Variants in RNF14 observed in about 807,000 individuals in gnomAD.
RNF14 encodes the protein E3 ubiquitin-protein ligase RNF14.
A neutral mutation model predicts 52.6 loss-of-function variants in RNF14; 26 were observed. That is an observed-to-expected ratio of 0.49 (90% CI 0.36 to 0.69). RNF14 has a LOEUF of 0.69. Ranked by LOEUF, RNF14 falls within the 30% of genes least tolerant of loss-of-function variation. The pLI, the probability that RNF14 is intolerant of heterozygous loss-of-function variation, is 0.00. For missense variants in RNF14, 404 were observed against 560.4 expected, an observed-to-expected ratio of 0.72 and a Z score of 2.82; for synonymous variants, 194 against 202.0, an observed-to-expected ratio of 0.96 and a Z score of 0.34.
intron 4 of RNF14, among the ~76,000 whole-genome samples, chr5:141,977,214 T>A (rs1302505692): frequency 6.6e-6 from 1 of 152,262 alleles, no homozygotes; most frequent in Non-Finnish European, 1.5e-5. Flanking sequence ...ATTTTACAGA[T>A]GTTAGCAGAT....
chr5:141,957,320 C>T (rs367696680), upstream of RNF14: 3 of 1,613,070 alleles, frequency 1.9e-6, no homozygotes, highest in Non-Finnish European at 2.5e-6. This position sits in a 1 kb window ranked among gnomAD's most constrained non-coding sequence, Gnocchi z 4.3. Flanking sequence ...GCAAAGTGCT[C>T]ACTGGGAGAC....
In RNF14 at chr5:141,984,806, T is replaced by C. The variant is rs1290239972; in HGVS notation, c.1240T>C (p.Leu414=). The change falls in exon 8 of 9, where the codon TTA becomes CTA. Residue 414 remains leucine, a synonymous_variant. Coordinates refer to ENST00000394520, the MANE Select transcript of RNF14 (RefSeq NM_004290.5). ...CPCCGTPIEK[L]DGCNKMTCTG... ...CTCTTTCTATCCTTCCCACCAGAAA[T>C]TAGACGGATGTAACAAGATGACATG... is the stretch of plus-strand genomic sequence containing the variant. 6.2e-7 allele frequency: 1 copy of C among 1,613,844 alleles called. No homozygotes were observed. The highest frequency in any genetic ancestry group is 1.1e-5 in the South Asian group (1 of 91,048).
chr5:141,979,227 G>C (rs77078491), intron 5 of RNF14, among the ~76,000 whole-genome samples: 1 of 141,492 alleles, frequency 7.1e-6, no homozygotes, highest in Non-Finnish European at 1.6e-5. Flanking sequence ...TACTTAGGTG[G>C]TGGTGGTGTT....
At chr5:141,986,129 C>T (rs920689635) in intron 8 of RNF14, among the ~76,000 whole-genome samples, 1 of 152,172 alleles carries the variant, frequency 6.6e-6, no homozygotes, top group Non-Finnish European at 1.5e-5. Flanking sequence ...ATTGTAAAGG[C>T]AAGTTTTCCA....
intron 8 of RNF14, among the ~76,000 whole-genome samples, chr5:141,987,183 G>C (rs1025516710): frequency 6.6e-6 from 1 of 152,184 alleles, no homozygotes; most frequent in Non-Finnish European, 1.5e-5. Flanking sequence ...CAGTGAGGGA[G>C]GGGGGTATGA....
upstream of RNF14, chr5:141,966,847 T>G (rs768802817): frequency 6.6e-6 from 1 of 152,352 alleles, no homozygotes; most frequent in Non-Finnish European, 1.5e-5. Flanking sequence ...GTGCATGGGC[T>G]TCCTCACTTT....
upstream of RNF14, among the ~76,000 whole-genome samples, chr5:141,965,022 C>T (rs1400062379): frequency 6.6e-6 from 1 of 152,038 alleles, no homozygotes; most frequent in South Asian, 2.1e-4. Context: ...TACACAATGA[C>T]AAGAGACCAG....
At chr5:141,973,045 A>C (rs1753928513) in intron 2 of RNF14, among the ~76,000 whole-genome samples, 2 of 152,250 alleles carry the variant, frequency 1.3e-5, no homozygotes, top group Admixed American at 1.3e-4. Context: ...CAGTCATAAA[A>C]TATCTAACTG....
upstream of RNF14, among the ~76,000 whole-genome samples, chr5:141,962,090 T>C (rs553309183): frequency 6.6e-6 from 1 of 152,282 alleles, no homozygotes; most frequent in South Asian, 2.1e-4. Flanking sequence ...TTGTTGAAGT[T>C]AGATTCCTAG....
chr5:141,980,231 C>T lies in RNF14; in HGVS notation c.943C>T (p.Gln315Ter), dbSNP rs948313549. 8.7e-6 allele frequency: 14 copies of T among 1,614,124 alleles called. No homozygotes were observed. The highest frequency in any genetic ancestry group is 1.1e-5 in the Non-Finnish European group (13 of 1,180,054). ...GGTGTACTGCCCCCGGCCGTGCTGCCAGCTGCCTGTGATGCAGGAACCTGG... is the reference window on the plus strand; with the variant it reads ...GGTGTACTGCCCCCGGCCGTGCTGCTAGCTGCCTGTGATGCAGGAACCTGG... ...DVVYCPRPCCQLPVMQEPGCT... is the reference protein window; with the variant it reads ...DVVYCPRPCC Residue 315 changes from glutamine (Q) to a stop codon, truncating the protein, a stop_gained, in exon 6 of 9, where the codon CAG becomes TAG. Transcript: ENST00000394520. LOFTEE classifies it high-confidence loss of function.
intron 8 of RNF14, among the ~76,000 whole-genome samples, chr5:141,987,342 AT>A (rs1447837480): frequency 2.6e-5 from 4 of 152,076 alleles, no homozygotes; most frequent in Admixed American, 2.6e-4. Context: ...TTTGGCTGAG[AT>A]TTGCCAGAGG....
In RNF14 at chr5:141,989,920, T is replaced by G. The variant is rs867241795; in HGVS notation, c.*2130T>G. The G allele has an allele frequency of 6.6e-6, 1 of 152,148 alleles. No individual in the cohort carries two copies. The highest frequency in any genetic ancestry group is 1.5e-5 in the Non-Finnish European group (1 of 68,012). The allele number at this position is 152,148 out of a possible 1,614,324, so 9.4% of individuals were successfully genotyped here. A position where few individuals can be genotyped will look rare whatever the true frequency, so the allele number is the denominator to read the frequency against. On this transcript the variant is annotated 3_prime_UTR_variant, in exon 9 of 9. Coordinates refer to ENST00000394520, the MANE Select transcript of RNF14 (RefSeq NM_004290.5). ...AAGCTGTTATACATTGTTGATGATG[T>G]CATAGAAGTAGGAAAGAAGCCTTTA...
upstream of RNF14, chr5:141,958,073 A>C: frequency 1.7e-6 from 1 of 573,228 alleles, no homozygotes; most frequent in Non-Finnish European, 3.0e-6. Context: ...CCGATCAAGA[A>C]TTGCCAGGGG....
upstream of RNF14, among the ~76,000 whole-genome samples, chr5:141,962,807 A>T (rs1753285397): frequency 1.3e-5 from 2 of 152,200 alleles, no homozygotes; most frequent in Non-Finnish European, 2.9e-5. Context: ...TTCTGGGTTG[A>T]TAAGAGTTAC....
At chr5:141,964,945 T>TA (rs202036212), upstream of RNF14, among the ~76,000 whole-genome samples, 2,438 of 150,518 alleles carry the variant, frequency 0.016, 59 homozygotes, top group African/African-American at 0.054. Flanking sequence ...CTAATTTTTT[T>TA]TAAAAAAAAA....
chr5:141,984,830 T>G lies in RNF14; in HGVS notation c.1264T>G (p.Cys422Gly). The change falls in exon 8 of 9, where the codon TGT becomes GGT. Residue 422 changes from cysteine to glycine, a missense_variant. Transcript: ENST00000394520. ...ATTAGACGGATGTAACAAGATGACATGTACTGGCTGTATGCAATATTTCTG... is the reference window on the plus strand; with the variant it reads ...ATTAGACGGATGTAACAAGATGACAGGTACTGGCTGTATGCAATATTTCTG... ...EKLDGCNKMT[C>G]TGCMQYFCWI... The G allele has an allele frequency of 6.2e-7, 1 of 1,613,722 alleles. No individual in the cohort carries two copies. The highest frequency in any genetic ancestry group is 8.5e-7 in the Non-Finnish European group (1 of 1,179,636).
At chr5:141,957,189 G>C (rs370982872), upstream of RNF14, 2 of 1,614,160 alleles carry the variant, frequency 1.2e-6, no homozygotes, top group Non-Finnish European at 1.7e-6. This position sits in a 1 kb window ranked among gnomAD's most constrained non-coding sequence, Gnocchi z 4.3. Flanking sequence ...ACTTGGGGGG[G>C]TTCCCATTGT....
upstream of RNF14, chr5:141,957,747 T>C (rs774340463): frequency 1.8e-5 from 29 of 1,613,056 alleles, no homozygotes; most frequent in Non-Finnish European, 2.1e-5. This position sits in a 1 kb window ranked among gnomAD's most constrained non-coding sequence, Gnocchi z 4.3. Context: ...CCTCTGACAC[T>C]TGGTATTTCA....
rs1024170565 is a variant in RNF14 at position 141,989,907 on chromosome 5, A to G, written c.*2117A>G. Reference sequence around the variant, plus strand: ...ATCATTTTATGTTAAGCTGTTATACATTGTTGATGATGTCATAGAAGTAGG... The same window carrying G: ...ATCATTTTATGTTAAGCTGTTATACGTTGTTGATGATGTCATAGAAGTAGG... On this transcript the variant is annotated 3_prime_UTR_variant, in exon 9 of 9. Coordinates refer to ENST00000394520, the MANE Select transcript of RNF14 (RefSeq NM_004290.5). The G allele has an allele frequency of 6.6e-6, 1 of 152,164 alleles. No homozygotes were observed. The highest frequency in any genetic ancestry group is 2.4e-5 in the African/African-American group (1 of 41,424). 9.4% of individuals were successfully genotyped at this position (152,164 alleles called of 1,614,324 possible). A position where few individuals can be genotyped will look rare whatever the true frequency, so the allele number is the denominator to read the frequency against.
Sources: gnomAD v4.1 joint callset for allele counts (sites outside exome capture counted in the v4.1 genomes callset) on GRCh38, gnomAD v4.1.1 for gene constraint, Gnocchi (gnomAD v3.1) non-coding constraint, MANE v1.5 for transcripts, NCBI Gene and HGNC (gene_info 2026-07-23, HGNC 2026-07-21) for gene names.